The following SLC24A1 variants were observed in gnomAD, a reference collection of about 807,000 sequenced individuals.
SLC24A1 encodes solute carrier family 24 member 1.
A neutral mutation model predicts 88.1 loss-of-function variants in SLC24A1; 52 were observed. That is an observed-to-expected ratio of 0.59 (90% CI 0.47 to 0.74). SLC24A1 has a LOEUF of 0.74. Among genes scored for constraint, SLC24A1 ranks in the 30% least tolerant of loss-of-function variants. The probability of loss-of-function intolerance (pLI) is 0.00; values close to 1 mark genes in which losing one functional copy is unlikely to be tolerated. For synonymous variants in SLC24A1, 455 were observed against 498.0 expected, an observed-to-expected ratio of 0.91 and a Z score of 1.15; for missense variants, 1,173 against 1,363.3, an observed-to-expected ratio of 0.86 and a Z score of 2.20.
At chr15:65,637,541 G>A (rs2074982753) in intron 2 of SLC24A1, among the ~76,000 whole-genome samples, 1 of 152,192 alleles carries the variant, frequency 6.6e-6, no homozygotes, top group Non-Finnish European at 1.5e-5. Flanking sequence ...TGTATTTAGA[G>A]GACAGTTGAT....
chr15:65,650,789 A>AGAG lies in SLC24A1; in HGVS notation c.2658_2660dup (p.Glu890dup), dbSNP rs763504735. On this transcript the variant is annotated inframe_insertion, in exon 7 of 10. Transcript: ENST00000261892. This position sits in a 1 kb window ranked among gnomAD's most constrained non-coding sequence, Gnocchi z 4.1. ...AGGAGGAGGAGGAAGAGCAGGAGGA[A>AGAG]GAGGAGGAGGAGGAGGAGGAAGAGG... is the stretch of plus-strand genomic sequence containing the variant. 378 of 1,608,718 alleles carry AGAG rather than the reference A, an allele frequency of 2.3e-4. No individual in the cohort carries two copies. The highest frequency in any genetic ancestry group is 1.3e-3 in the Admixed American group (77 of 59,606).
rs2075634474 is a variant in SLC24A1, at chr15:65,655,041, A to G, written c.*962A>G. The G allele has an allele frequency of 9.6e-7, 1 of 1,044,212 alleles. No individual in the cohort carries two copies. The highest frequency in any genetic ancestry group is 1.2e-6 in the Non-Finnish European group (1 of 864,944). 64.7% of individuals were successfully genotyped at this position (1,044,212 alleles called of 1,614,324 possible). The stretch of plus-strand genomic sequence containing the variant: ...GAAGGAATGGAGATTAGGGAAGGAA[A>G]ACTACTCTAGAGGCCATTTAAAAGT... On this transcript the variant is annotated 3_prime_UTR_variant, in exon 10 of 10. Transcript: ENST00000261892.
At chr15:65,640,540 C>A (rs1429762249) in intron 4 of SLC24A1, among the ~76,000 whole-genome samples, 1 of 152,100 alleles carries the variant, frequency 6.6e-6, no homozygotes, top group Non-Finnish European at 1.5e-5. Flanking sequence ...AGCCAGGAGG[C>A]CCATCAAGGA....
chr15:65,654,439 C>G lies in SLC24A1; in HGVS notation c.*360C>G. The G allele has an allele frequency of 8.6e-7, 1 of 1,167,914 alleles. No individual in the cohort carries two copies. The highest frequency in any genetic ancestry group is 1.1e-6 in the Non-Finnish European group (1 of 938,238). 72.3% of individuals were successfully genotyped at this position (1,167,914 alleles called of 1,614,324 possible). A position where few individuals can be genotyped will look rare whatever the true frequency, so the allele number is the denominator to read the frequency against. On this transcript the variant is annotated 3_prime_UTR_variant, in exon 10 of 10. Coordinates refer to ENST00000261892, the MANE Select transcript of SLC24A1 (RefSeq NM_004727.3). ...AAGACAAGCTCCTACGCTCACTGTT[C>G]CCTGATCATTCCAAAGGCTGCTGGC...
At chr15:65,631,066 A>C (rs2141524205) in intron 2 of SLC24A1, among the ~76,000 whole-genome samples, 1 of 152,290 alleles carries the variant, frequency 6.6e-6, no homozygotes, top group Admixed American at 6.5e-5. Context: ...TGAATGCATG[A>C]GAAATAAACA....
chr15:65,627,151 G>A (rs1242392178), intron 2 of SLC24A1, among the ~76,000 whole-genome samples: 1 of 152,204 alleles, frequency 6.6e-6, no homozygotes, highest in African/African-American at 2.4e-5. Flanking sequence ...TAGATAACAT[G>A]TTGTTCTGGC....
At chr15:65,652,529 G>A in intron 8 of SLC24A1, 113 bp from the exon 9 acceptor site, 1 of 896,880 alleles carries the variant, frequency 1.1e-6, no homozygotes, top group Admixed American at 2.2e-5. Context: ...CTCAGGCTGA[G>A]GGGGTGTGGC....
rs369428525 is a variant in SLC24A1, at chr15:65,625,727, G to A, written c.1647G>A (p.Glu549=). ...VIGTCSLFSR[E]ILNLTWWPLF... ...GCACTTGTTCCCTCTTCTCCCGAGA[G>A]ATCCTCAACCTCACCTGGTGGCCCT... is the stretch of plus-strand genomic sequence containing the variant. The change falls in exon 2 of 10, where the codon GAG becomes GAA. Residue 549 remains glutamate, a synonymous_variant. Transcript: ENST00000261892. The A allele has an allele frequency of 3.7e-6, 6 of 1,614,014 alleles. No homozygotes were observed. Among genetic ancestry groups the A allele is most frequent in the Non-Finnish European group, 4.2e-6 (5 of 1,179,894 alleles).
At chr15:65,660,508 A>C, downstream of SLC24A1, 1 of 449,454 alleles carries the variant, frequency 2.2e-6, no homozygotes, top group Non-Finnish European at 3.9e-6. Context: ...GTGCAAACAC[A>C]CACACATATT....
At chr15:65,621,073 C>T (rs1307117561), upstream of SLC24A1, among the ~76,000 whole-genome samples, 1 of 152,178 alleles carries the variant, frequency 6.6e-6, no homozygotes, top group African/African-American at 2.4e-5. Context: ...TTCCAGGCCA[C>T]TCAAGGTGAA....
chr15:65,623,754 A>T (rs1317237899), intron 1 of SLC24A1, among the ~76,000 whole-genome samples: 1 of 152,110 alleles, frequency 6.6e-6, no homozygotes, highest in Non-Finnish European at 1.5e-5. Flanking sequence ...CATAGTACAG[A>T]GGACCCCTAG....
At position 65,625,675 on chromosome 15, in the gene SLC24A1, C is replaced by T; in HGVS notation, c.1595C>T (p.Ala532Val). The T allele has an allele frequency of 6.2e-7, 1 of 1,614,042 alleles. No individual in the cohort carries two copies. Among genetic ancestry groups the T allele is most frequent in the Non-Finnish European group, 8.5e-7 (1 of 1,179,898 alleles). ...NVGIGTIVGS[A>V]VFNILFVIGT... is the part of the protein sequence containing the mutation. ...GGCATTGGTACCATTGTGGGCTCTG[C>T]TGTGTTCAACATTCTCTTTGTCATT... The change falls in exon 2 of 10, where the codon GCT (alanine) becomes GTT (valine). Residue 532 changes from alanine to valine, a missense_variant. Ala to Val is a moderately conservative substitution (Grantham distance 64, BLOSUM62 0). Transcript: ENST00000261892.
chr15:65,639,576 C>A lies in SLC24A1; in HGVS notation c.1945-19C>A, dbSNP rs776389941. On this transcript the variant is annotated intron_variant, in intron 3 of 9. Transcript: ENST00000261892. ...CTGGCTTGGACAGGGGCCCACTGTG[C>A]GGCTCTCCTCTTGCTCAGCTCCCGT... 7.0e-7 allele frequency: 1 copy of A among 1,431,596 alleles called. No individual in the cohort carries two copies. Among genetic ancestry groups the A allele is most frequent in the Non-Finnish European group, 9.5e-7 (1 of 1,047,462 alleles). The allele number at this position is 1,431,596 out of a possible 1,614,324, so 88.7% of individuals were successfully genotyped here. A position where few individuals can be genotyped will look rare whatever the true frequency, so the allele number is the denominator to read the frequency against.
At position 65,655,276 on chromosome 15, in the gene SLC24A1, A is replaced by G. The variant is rs1166116370; in HGVS notation, c.*1197A>G. 2.0e-6 allele frequency: 2 copies of G among 985,638 alleles called. No individual in the cohort carries two copies. Among genetic ancestry groups the G allele is most frequent in the East Asian group, 2.3e-4 (2 of 8,820 alleles). 61.1% of individuals were successfully genotyped at this position (985,638 alleles called of 1,614,324 possible). On this transcript the variant is annotated 3_prime_UTR_variant, in exon 10 of 10. Transcript: ENST00000261892. ...TATAAAGTAAGAGATCCAGTGGGAC[A>G]ATGCTATTTTTGTATGCCAACCTAG... is the stretch of plus-strand genomic sequence containing the variant.
rs1178256689 is a variant in SLC24A1, at chr15:65,624,978, G to A, written c.898G>A (p.Gly300Arg). ...NSSAHPWGLVGKSNPKTPQGT... is the reference protein window; with the variant it reads ...NSSAHPWGLVRKSNPKTPQGT... ...CTCAGCCCATCCCTGGGGGTTAGTG[G>A]GAAAGAGCAACCCGAAGACTCCCCA... The change falls in exon 2 of 10, where the codon GGA (glycine) becomes AGA (arginine). Residue 300 changes from glycine (G) to arginine (R), a missense_variant. Gly to Arg is a moderately radical substitution (Grantham distance 125). Coordinates refer to ENST00000261892, the MANE Select transcript of SLC24A1 (RefSeq NM_004727.3). The A allele has an allele frequency of 6.2e-7, 1 of 1,608,104 alleles. No homozygotes were observed. Among genetic ancestry groups the A allele is most frequent in the Admixed American group, 1.7e-5 (1 of 59,192 alleles).
chr15:65,638,058 G>A, intron 2 of SLC24A1, 70 bp from the exon 3 acceptor site: 1 of 1,081,012 alleles, frequency 9.3e-7, no homozygotes, highest in South Asian at 1.3e-5. Context: ...GGACTTCCGT[G>A]GAGAAAGGGA....
chr15:65,622,592 T>C (rs1291202522), intron 1 of SLC24A1, among the ~76,000 whole-genome samples: 2 of 152,200 alleles, frequency 1.3e-5, no homozygotes, highest in Non-Finnish European at 1.5e-5. Flanking sequence ...TGTTTTGTAG[T>C]AGTTTGTGGA....
intron 6 of SLC24A1, among the ~76,000 whole-genome samples, chr15:65,648,598 C>T (rs1465748381): frequency 6.6e-6 from 1 of 152,008 alleles, no homozygotes; most frequent in East Asian, 1.9e-4. Flanking sequence ...TCTCCAGCCT[C>T]AGCCTCCTGA....
chr15:65,632,017 A>G (rs2074745767), intron 2 of SLC24A1, among the ~76,000 whole-genome samples: 1 of 152,152 alleles, frequency 6.6e-6, no homozygotes, highest in Non-Finnish European at 1.5e-5. Flanking sequence ...TTTTTAGTAG[A>G]GATGGGGTTT....
Sources: allele counts gnomAD v4.1 joint callset (sites outside exome capture counted in the v4.1 genomes callset), GRCh38; gene constraint gnomAD v4.1.1; non-coding constraint Gnocchi (gnomAD v3.1); transcripts MANE v1.5; gene names NCBI Gene and HGNC (gene_info 2026-07-23, HGNC 2026-07-21).